The following ITGBL1 variants were observed in gnomAD, a reference collection of about 807,000 sequenced individuals.
ITGBL1 encodes integrin subunit beta like 1.
Under a neutral mutation model 68.5 loss-of-function variants are expected in ITGBL1, and 51 were observed. The ratio of observed to expected loss-of-function variants is 0.74; its 90% CI spans 0.59 to 0.94. ITGBL1 has a LOEUF of 0.94. ITGBL1 is among the 40% of genes least tolerant of loss of function. ITGBL1 has a pLI of 0.00. For missense variants in ITGBL1, 649 were observed against 647.4 expected (o/e 1.00, Z -0.03); for synonymous variants, 209 against 227.3 (o/e 0.92, Z 0.72).
intron 2 of ITGBL1, among the ~76,000 whole-genome samples, chr13:101,471,186 GA>G (rs1429363011): frequency 1.3e-5 from 2 of 152,182 alleles, no homozygotes; most frequent in Non-Finnish European, 2.9e-5. Context: ...GATTGAAGGA[GA>G]AAGACTATAT....
chr13:101,490,034 T>G (rs2048753609), intron 2 of ITGBL1: 1 of 1,237,466 alleles, frequency 8.1e-7, no homozygotes, highest in African/African-American at 1.5e-5. Context: ...TTTATTAGCA[T>G]TTTGTTATGG....
intron 7 of ITGBL1, among the ~76,000 whole-genome samples, chr13:101,673,830 A>G (rs1307050420): frequency 6.6e-6 from 1 of 151,998 alleles, no homozygotes; most frequent in African/African-American, 2.4e-5. Context: ...TCCCCACAGA[A>G]CTCCTGATGC....
intron 7 of ITGBL1, among the ~76,000 whole-genome samples, chr13:101,637,032 T>A (rs2032192206): frequency 6.6e-6 from 1 of 152,192 alleles, no homozygotes; most frequent in Non-Finnish European, 1.5e-5. Flanking sequence ...TAGAAAATTC[T>A]ATGGGTATTC....
intron 2 of ITGBL1, among the ~76,000 whole-genome samples, chr13:101,531,858 C>G (rs991165113): frequency 6.6e-6 from 1 of 151,712 alleles, no homozygotes; most frequent in Non-Finnish European, 1.5e-5. Flanking sequence ...CTCAGCCTCC[C>G]AAGTAGCTGG....
At chr13:101,485,291 G>T (rs890004755) in intron 2 of ITGBL1, among the ~76,000 whole-genome samples, 4 of 152,094 alleles carry the variant, frequency 2.6e-5, no homozygotes, top group Non-Finnish European at 5.9e-5. Context: ...ACTAGAAATG[G>T]TAATTACATG....
chr13:101,699,466 C>A (rs1180186315), intron 8 of ITGBL1, among the ~76,000 whole-genome samples: 1 of 152,148 alleles, frequency 6.6e-6, no homozygotes, highest in African/African-American at 2.4e-5. Flanking sequence ...GTAATTGAAT[C>A]ACGGGGGTGG....
intron 7 of ITGBL1, among the ~76,000 whole-genome samples, chr13:101,652,506 C>G (rs971859250): frequency 6.6e-6 from 1 of 152,148 alleles, no homozygotes; most frequent in African/African-American, 2.4e-5. Flanking sequence ...GTCATAGTCA[C>G]ACAGATGCTT....
intron 7 of ITGBL1, among the ~76,000 whole-genome samples, chr13:101,613,349 G>A (rs1371130468): frequency 6.6e-6 from 1 of 152,152 alleles, no homozygotes; most frequent in Non-Finnish European, 1.5e-5. Context: ...GGGTCCTCCT[G>A]TGTTCCCAGA....
chr13:101,626,542 C>T (rs1007033094), intron 7 of ITGBL1, among the ~76,000 whole-genome samples: 3 of 152,086 alleles, frequency 2.0e-5, no homozygotes, highest in Non-Finnish European at 4.4e-5. Context: ...CTCCAGGAAA[C>T]CTGGCAGTTT....
chr13:101,559,893 A>G (rs917346531), intron 2 of ITGBL1, among the ~76,000 whole-genome samples: 8 of 152,156 alleles, frequency 5.3e-5, no homozygotes, highest in African/African-American at 1.9e-4. Flanking sequence ...TTCCTTCAAG[A>G]TTACATGGCT....
At chr13:101,528,831 C>T (rs1485090150) in intron 2 of ITGBL1, among the ~76,000 whole-genome samples, 1 of 151,564 alleles carries the variant, frequency 6.6e-6, no homozygotes, top group Non-Finnish European at 1.5e-5. Context: ...ATATTTAGGC[C>T]CAATCCCATA....
intron 8 of ITGBL1, among the ~76,000 whole-genome samples, chr13:101,704,484 T>TAAAAAAAAAAAAAAAAAAAAAA (rs57687698): frequency 9.5e-6 from 1 of 105,346 alleles, no homozygotes; most frequent in Non-Finnish European, 1.8e-5. Flanking sequence ...ATTCATTCAG[T>TAAAAAAAAAAAAAAAAAAAAAA]AAAAAAAAAA....
chr13:101,477,530 A>G (rs1055775736), intron 2 of ITGBL1, among the ~76,000 whole-genome samples: 1 of 152,052 alleles, frequency 6.6e-6, no homozygotes, highest in East Asian at 1.9e-4. Context: ...ACAAAAGATC[A>G]ACCAAAGGGA....
At chr13:101,619,101 G>T (rs76643981) in intron 7 of ITGBL1, among the ~76,000 whole-genome samples, 1 of 151,930 alleles carries the variant, frequency 6.6e-6, no homozygotes, top group Admixed American at 6.6e-5. Flanking sequence ...CATTGATTAC[G>T]TGTACAGCCT....
At chr13:101,715,436 C>A in intron 10 of ITGBL1, 127 bp from the exon 11 acceptor site, 1 of 733,718 alleles carries the variant, frequency 1.4e-6, no homozygotes, top group Non-Finnish European at 2.4e-6. Flanking sequence ...AACATCATTG[C>A]ACAATAAGAA....
intron 2 of ITGBL1, among the ~76,000 whole-genome samples, chr13:101,539,280 C>A (rs2049641909): frequency 6.7e-6 from 1 of 148,906 alleles, no homozygotes; most frequent in African/African-American, 2.5e-5. Context: ...TCAATTCCCA[C>A]CTGTGAGTGA....
chr13:101,518,410 T>C (rs2049229761), intron 2 of ITGBL1, among the ~76,000 whole-genome samples: 2 of 152,192 alleles, frequency 1.3e-5, no homozygotes. Context: ...TTTCCCAAGG[T>C]ACTTTTGTCA....
intron 7 of ITGBL1, among the ~76,000 whole-genome samples, chr13:101,667,317 T>C (rs191939578): frequency 1.5e-3 from 226 of 152,264 alleles, no homozygotes; most frequent in African/African-American, 5.0e-3. Flanking sequence ...CTCTGCCTAT[T>C]TGAATATACT....
chr13:101,598,402 G>T, intron 7 of ITGBL1, 103 bp downstream of exon 7: 4 of 983,496 alleles, frequency 4.1e-6, no homozygotes, highest in East Asian at 3.2e-5. Context: ...TTTGTTTTCT[G>T]CTTTTTGGTT....
Sources: allele counts gnomAD v4.1 joint callset (sites outside exome capture counted in the v4.1 genomes callset), GRCh38; gene constraint gnomAD v4.1.1; transcripts MANE v1.5; gene names NCBI Gene and HGNC (gene_info 2026-07-23, HGNC 2026-07-21).